The following FTCDNL1 variants were observed in gnomAD, a reference collection of about 807,000 sequenced individuals.
FTCDNL1 encodes the protein formiminotransferase N-terminal subdomain-containing protein.
In FTCDNL1, 11 loss-of-function variants were observed where a neutral mutation model predicts 5.9. The observed-to-expected ratio is 1.87, with a 90% confidence interval of 1.18 to 3.10. The LOEUF is 3.10. Ranked by LOEUF, FTCDNL1 falls within the 30% of genes most tolerant of loss-of-function variation. FTCDNL1 has a pLI of 0.00. For missense variants in FTCDNL1, 115 were observed against 65.5 expected (o/e 1.76, Z -2.61); for synonymous variants, 58 against 24.8 (o/e 2.34, Z -3.99).
intron 3 of FTCDNL1, among the ~76,000 whole-genome samples, chr2:199,827,763 A>T (rs1327843374): frequency 1.3e-5 from 2 of 152,208 alleles, no homozygotes; most frequent in Non-Finnish European, 2.9e-5. Flanking sequence ...ACAGAGTATA[A>T]CTCAATAAAT....
chr2:199,819,160 A>T (rs1701529680), intron 4 of FTCDNL1: 3 of 160,980 alleles, frequency 1.9e-5, no homozygotes, highest in South Asian at 3.7e-4. Context: ...AAGTATTGAA[A>T]GACCTTCCTA....
chr2:199,806,309 C>T (rs746123550), downstream of FTCDNL1, among the ~76,000 whole-genome samples: 9 of 152,176 alleles, frequency 5.9e-5, no homozygotes, highest in Non-Finnish European at 1.0e-4. Context: ...GGTCTGGATG[C>T]TTATCAAACA....
At chr2:199,665,654 G>A in the FTCDNL1 span, among the ~76,000 whole-genome samples, 2 of 127,160 alleles carry the variant, frequency 1.6e-5, no homozygotes, top group Non-Finnish European at 1.7e-5. Context: ...AAAAAAAAAA[G>A]AATAAAGAAA....
the FTCDNL1 span, among the ~76,000 whole-genome samples, chr2:199,727,250 C>A: frequency 1.3e-5 from 2 of 152,216 alleles, no homozygotes; most frequent in African/African-American, 4.8e-5. Context: ...CCAGTCCCCC[C>A]AGCACCAGCA....
At chr2:199,847,103 A>C (rs957205139) in intron 2 of FTCDNL1, among the ~76,000 whole-genome samples, 2 of 152,160 alleles carry the variant, frequency 1.3e-5, no homozygotes, top group African/African-American at 4.8e-5. Flanking sequence ...ACTCATGGCC[A>C]AACGAGCATC....
the FTCDNL1 span, among the ~76,000 whole-genome samples, chr2:199,747,649 C>T: frequency 3.3e-5 from 5 of 151,900 alleles, no homozygotes; most frequent in Non-Finnish European, 7.4e-5. Context: ...CCCTTTTCCC[C>T]GGAGGCCAGC....
the FTCDNL1 span, among the ~76,000 whole-genome samples, chr2:199,717,560 G>A: frequency 7.5e-6 from 1 of 133,268 alleles, no homozygotes; most frequent in African/African-American, 3.0e-5. Flanking sequence ...TGGCAAGGAA[G>A]GCCTCTGCTG....
In FTCDNL1 at chr2:199,770,224, C is replaced by T. The variant is rs552233786; in HGVS notation, c.212-9389G>A. Among the ~76,000 whole-genome samples the T allele has an allele frequency of 5.3e-5, 8 of 152,300 alleles. No homozygotes were observed. In the East Asian group the frequency reaches 1.5e-3, roughly 29 times the overall value. ...TTGAGCTGTAGCAGTCACTCCTTAG[C>T]GATCACACCTTGAAAAGAGGTGTGA... On this transcript the variant is annotated intron_variant, in intron 3 of 3. Transcript: ENST00000416668.
chr2:199,721,829 G>T, the FTCDNL1 span, among the ~76,000 whole-genome samples: 8 of 152,178 alleles, frequency 5.3e-5, no homozygotes, highest in Admixed American at 4.6e-4. Context: ...TGACTGGTGT[G>T]AGATGGTATC....
chr2:199,800,993 C>T (rs1327356599), intron 3 of FTCDNL1, among the ~76,000 whole-genome samples: 1 of 152,176 alleles, frequency 6.6e-6, no homozygotes, highest in Non-Finnish European at 1.5e-5. Flanking sequence ...CCTTGTGCTG[C>T]CAATAACTAG....
At chr2:199,843,648 C>T (rs1004707689) in intron 3 of FTCDNL1, among the ~76,000 whole-genome samples, 1 of 152,128 alleles carries the variant, frequency 6.6e-6, no homozygotes, top group Non-Finnish European at 1.5e-5. Flanking sequence ...AGACAATTCA[C>T]CATTAATTAA....
intron 3 of FTCDNL1, among the ~76,000 whole-genome samples, chr2:199,788,654 C>G (rs925954541): frequency 6.6e-6 from 1 of 151,550 alleles, no homozygotes; most frequent in African/African-American, 2.4e-5. Flanking sequence ...ACAAAATAAA[C>G]TTAAAGAAAC....
intron 3 of FTCDNL1, among the ~76,000 whole-genome samples, chr2:199,786,481 G>A (rs993349334): frequency 2.0e-5 from 3 of 151,860 alleles, no homozygotes; most frequent in Non-Finnish European, 2.9e-5. Context: ...GAACTTGATC[G>A]AATTCCACTC....
At chr2:199,748,098 G>T in the FTCDNL1 span, among the ~76,000 whole-genome samples, 1 of 152,048 alleles carries the variant, frequency 6.6e-6, no homozygotes. Context: ...TTTTAAAGAA[G>T]AAAAAGTAGG....
chr2:199,699,860 T>TA, the FTCDNL1 span, among the ~76,000 whole-genome samples: 1 of 152,132 alleles, frequency 6.6e-6, no homozygotes, highest in Non-Finnish European at 1.5e-5. Flanking sequence ...CGCTTCATGT[T>TA]AAAAAACCTC....
downstream of FTCDNL1, among the ~76,000 whole-genome samples, chr2:199,757,066 A>G (rs1311703925): frequency 1.3e-5 from 2 of 152,222 alleles, no homozygotes; most frequent in Non-Finnish European, 2.9e-5. Context: ...AAAATAGAAT[A>G]ATTGGCAAAC....
intron 4 of FTCDNL1, among the ~76,000 whole-genome samples, chr2:199,817,428 G>T (rs1466373484): frequency 6.6e-6 from 1 of 152,044 alleles, no homozygotes; most frequent in Non-Finnish European, 1.5e-5. Flanking sequence ...TTTTAACGTG[G>T]GATTTGCAGA....
chr2:199,779,463 A>T (rs1027511080), intron 3 of FTCDNL1, among the ~76,000 whole-genome samples: 2 of 152,190 alleles, frequency 1.3e-5, no homozygotes, highest in African/African-American at 4.8e-5. Flanking sequence ...TGGAAGACTG[A>T]AAATAGGAGA....
chr2:199,769,031 G>A (rs1306350436), intron 3 of FTCDNL1, among the ~76,000 whole-genome samples: 3 of 152,050 alleles, frequency 2.0e-5, no homozygotes, highest in African/African-American at 4.8e-5. Flanking sequence ...GCTCAGGGGC[G>A]GAACATGTGT....
Sources: gnomAD v4.1 joint callset for allele counts (sites outside exome capture counted in the v4.1 genomes callset) on GRCh38, gnomAD v4.1.1 for gene constraint, MANE v1.5 for transcripts, NCBI Gene and HGNC (gene_info 2026-07-23, HGNC 2026-07-21) for gene names.